Variants in SRGAP3 observed in about 807,000 individuals in gnomAD.
SRGAP3 encodes the protein SLIT-ROBO Rho GTPase activating protein 3, also known as SLIT-ROBO Rho GTPase-activating protein 3.
Under a neutral mutation model 121.1 loss-of-function variants are expected in SRGAP3, and 39 were observed. The observed-to-expected ratio is 0.32, with a 90% CI of 0.25 to 0.42. The LOEUF is 0.42. Ranked by LOEUF, SRGAP3 falls within the 10% of genes least tolerant of loss-of-function variation. The probability of loss-of-function intolerance (pLI) is 1.00; values close to 1 mark genes in which losing one functional copy is unlikely to be tolerated. For missense variants in SRGAP3, 1,213 were observed against 1,470.6 expected (o/e 0.82, Z 2.86); for synonymous variants, 601 against 570.0 (o/e 1.05, Z -0.77).
At chr3:9,254,881 G>C (rs1388253779) in intron 3 of SRGAP3, among the ~76,000 whole-genome samples, 4 of 147,724 alleles carry the variant, frequency 2.7e-5, no homozygotes, top group Admixed American at 6.9e-5. Context: ...GAGAAAGAGA[G>C]AGAGAAAGAA....
intron 1 of SRGAP3, among the ~76,000 whole-genome samples, chr3:9,223,315 A>G (rs1952877080): frequency 6.6e-6 from 1 of 152,234 alleles, no homozygotes; most frequent in Admixed American, 6.5e-5. Context: ...ACATGTCAGT[A>G]GGTCTAGAAG....
chr3:9,301,550 A>C (rs2125274796), intron 3 of SRGAP3, among the ~76,000 whole-genome samples: 1 of 152,296 alleles, frequency 6.6e-6, no homozygotes, highest in Non-Finnish European at 1.5e-5. Context: ...CACTCTACAG[A>C]CCATGGTTTC....
intron 18 of SRGAP3, among the ~76,000 whole-genome samples, chr3:8,995,139 A>C (rs1361946216): frequency 6.6e-6 from 1 of 152,170 alleles, no homozygotes; most frequent in African/African-American, 2.4e-5. Context: ...AAATGAGGTC[A>C]TAATGGTGGG....
chr3:9,174,576 C>T (rs1238873697), intron 1 of SRGAP3, among the ~76,000 whole-genome samples: 1 of 152,160 alleles, frequency 6.6e-6, no homozygotes, highest in Non-Finnish European at 1.5e-5. Context: ...GCACTGAAGG[C>T]GTCATATTGA....
chr3:9,310,000 G>T (rs1955216105), intron 3 of SRGAP3, among the ~76,000 whole-genome samples: 1 of 152,168 alleles, frequency 6.6e-6, no homozygotes, highest in Non-Finnish European at 1.5e-5. Context: ...AGAGGACCCT[G>T]ACATCTACTC....
At chr3:9,164,001 T>C (rs1950693516) in intron 1 of SRGAP3, among the ~76,000 whole-genome samples, 1 of 143,346 alleles carries the variant, frequency 7.0e-6, no homozygotes, top group Non-Finnish European at 1.5e-5. Flanking sequence ...TTTTTTTTTT[T>C]TTTTTTTTTT....
upstream of SRGAP3, among the ~76,000 whole-genome samples, chr3:9,250,342 G>A (rs982521263): frequency 1.1e-4 from 16 of 152,234 alleles, no homozygotes; most frequent in African/African-American, 2.9e-4. Context: ...TGAAGCTCCC[G>A]GGGCTCCACA....
Position 9,109,075 on chromosome 3 carries a change from T to C in SRGAP3, c.261-4233A>G, listed in dbSNP as rs1346814696. Among the ~76,000 whole-genome samples the C allele has an allele frequency of 6.6e-6, 1 of 152,158 alleles. No homozygotes were observed. Among genetic ancestry groups the C allele is most frequent in the Non-Finnish European group, 1.5e-5 (1 of 68,022 alleles). ...GCATTGCTTATCTCATTTTCACTGC[T>C]TCCTAGGTGGTGATGGAAATGGAAA... On this transcript the variant is annotated intron_variant, in intron 2 of 21. Transcript: ENST00000383836. This position sits in a 1 kb window ranked among gnomAD's most constrained non-coding sequence, Gnocchi z 4.4.
At chr3:9,185,647 T>C (rs1365135642) in intron 1 of SRGAP3, among the ~76,000 whole-genome samples, 1 of 152,076 alleles carries the variant, frequency 6.6e-6, no homozygotes, top group Admixed American at 6.6e-5. Flanking sequence ...TCCTCCTTCT[T>C]CAGCTCCCTA....
chr3:9,213,026 T>G lies in SRGAP3; in HGVS notation c.67+35859A>C, dbSNP rs1435814888. On this transcript the variant is annotated intron_variant, in intron 1 of 21. Coordinates refer to ENST00000383836, the MANE Select transcript of SRGAP3 (RefSeq NM_014850.4). ...TGATGCAGCTCCATGCCGGGGCAAA[T>G]TGCTTGGTGAGAAAAACTTCCCCTG... is the stretch of plus-strand genomic sequence containing the variant. Among the ~76,000 whole-genome samples, 4 of 152,118 alleles carry G rather than the reference T, an allele frequency of 2.6e-5. No individual in the cohort carries two copies. The East Asian group carries it at 7.7e-4, about 29-fold the overall frequency.
intron 1 of SRGAP3, among the ~76,000 whole-genome samples, chr3:9,197,055 C>T (rs181160502): frequency 2.0e-5 from 3 of 152,192 alleles, no homozygotes; most frequent in South Asian, 2.1e-4. Context: ...TTTTCACTCA[C>T]GACAAGAAAA....
chr3:9,231,908 C>T (rs375746828), intron 1 of SRGAP3, among the ~76,000 whole-genome samples: 6 of 152,254 alleles, frequency 3.9e-5, no homozygotes, highest in African/African-American at 1.4e-4. Flanking sequence ...GCAGACGTGA[C>T]TCGCTCAAAA....
At chr3:9,351,367 C>T (rs1426284020) in intron 1 of SRGAP3, among the ~76,000 whole-genome samples, 1 of 152,158 alleles carries the variant, frequency 6.6e-6, no homozygotes, top group Non-Finnish European at 1.5e-5. Context: ...CCCTATTTTC[C>T]AGTCAAAGAA....
chr3:9,067,689 C>G (rs1946495114), intron 4 of SRGAP3, among the ~76,000 whole-genome samples: 1 of 152,168 alleles, frequency 6.6e-6, no homozygotes, highest in Non-Finnish European at 1.5e-5. Context: ...ATAGCTAACG[C>G]ATGTGGGGCT....
At chr3:9,147,140 A>T (rs991661894) in intron 1 of SRGAP3, among the ~76,000 whole-genome samples, 3 of 152,216 alleles carry the variant, frequency 2.0e-5, no homozygotes, top group African/African-American at 7.2e-5. Flanking sequence ...GTTCAGGGAG[A>T]TTAAATAACT....
intron 3 of SRGAP3, among the ~76,000 whole-genome samples, chr3:9,278,546 T>C (rs764776633): frequency 2.0e-5 from 3 of 152,188 alleles, no homozygotes; most frequent in African/African-American, 4.8e-5. Context: ...ATGAAAGCAG[T>C]AGAATTTGTT....
At chr3:9,303,095 ATTTGTTTG>A (rs35901747) in intron 3 of SRGAP3, among the ~76,000 whole-genome samples, 130 of 151,358 alleles carry the variant, frequency 8.6e-4, no homozygotes, top group African/African-American at 1.9e-3. Flanking sequence ...TTTCCTTTAC[ATTTGTTTG>A]TTTGTTTGTT....
chr3:9,211,345 C>A (rs1303439909), intron 1 of SRGAP3, among the ~76,000 whole-genome samples: 1 of 152,184 alleles, frequency 6.6e-6, no homozygotes, highest in Non-Finnish European at 1.5e-5. Context: ...AAAAAAACAT[C>A]TGAAAACCAC....
intron 3 of SRGAP3, among the ~76,000 whole-genome samples, chr3:9,284,569 G>C (rs1291104907): frequency 6.6e-6 from 1 of 152,136 alleles, no homozygotes; most frequent in East Asian, 1.9e-4. Flanking sequence ...GGTGGTACAT[G>C]CCTGTAATCC....
Sources: allele counts gnomAD v4.1 joint callset (sites outside exome capture counted in the v4.1 genomes callset), GRCh38; gene constraint gnomAD v4.1.1; non-coding constraint Gnocchi (gnomAD v3.1); transcripts MANE v1.5; gene names NCBI Gene and HGNC (gene_info 2026-07-23, HGNC 2026-07-21).